SMAD7: variants seen among roughly 807,000 people sequenced by gnomAD.
SMAD7 encodes the protein MAD (mothers against decapentaplegic, Drosophila) homolog 7.
In SMAD7, 8 loss-of-function variants were observed where a neutral mutation model predicts 38.7. That is an observed-to-expected ratio of 0.21 (90% CI 0.12 to 0.37). The LOEUF (loss-of-function observed/expected upper bound fraction) is 0.37. Ranked by LOEUF, SMAD7 falls within the 10% of genes least tolerant of loss-of-function variation. The probability of loss-of-function intolerance (pLI) is 1.00; values close to 1 mark genes in which losing one functional copy is unlikely to be tolerated. For missense variants in SMAD7, 477 were observed against 577.9 expected (o/e 0.83, Z 1.79); for synonymous variants, 327 against 265.1 (o/e 1.23, Z -2.27).
chr18:48,948,397 A>T lies in SMAD7; in HGVS notation c.654T>A (p.Phe218Leu). 6.2e-7 allele frequency: 1 copy of T among 1,603,082 alleles called. No homozygotes were observed. Among genetic ancestry groups the T allele is most frequent in the Non-Finnish European group, 8.5e-7 (1 of 1,174,520 alleles). Residue 218 changes from phenylalanine to leucine, a missense_variant, in exon 2 of 4, where the codon TTT (phenylalanine) becomes TTA (leucine). This residue lies in a region of SMAD7 where 376 missense variants were observed against 379.4 expected (regional missense o/e 0.99). Transcript: ENST00000262158. ...TCATCTACTCACCAGTTGGTTTGAG[A>T]AAATCCATCGGGTATCTGGAGTAAG... Reference protein sequence around the residue: ...PPPYSRYPMDFLKPTADCPDA... With the variant: ...PPPYSRYPMDLLKPTADCPDA...
intron 3 of SMAD7, among the ~76,000 whole-genome samples, chr18:48,924,340 G>A (rs1301681324): frequency 6.6e-6 from 1 of 152,170 alleles, no homozygotes; most frequent in East Asian, 1.9e-4. Flanking sequence ...GGGAGTGAGT[G>A]GAGTATGGAC....
chr18:48,948,042 A>C (rs184458023), intron 2 of SMAD7, among the ~76,000 whole-genome samples: 72 of 152,320 alleles, frequency 4.7e-4, no homozygotes, highest in African/African-American at 1.7e-3. Context: ...CCTGGCACTC[A>C]CTAAGTCTCC....
At chr18:48,948,213 A>G (rs959581039) in intron 2 of SMAD7, among the ~76,000 whole-genome samples, 171 bp downstream of exon 2, 6 of 152,236 alleles carry the variant, frequency 3.9e-5, no homozygotes, top group Non-Finnish European at 7.3e-5. Flanking sequence ...CAAAAACAGC[A>G]AAAAACCCAG....
intron 3 of SMAD7, among the ~76,000 whole-genome samples, chr18:48,936,715 C>T (rs1453285631): frequency 6.6e-6 from 1 of 152,028 alleles, no homozygotes; most frequent in Non-Finnish European, 1.5e-5. Context: ...AAGGCCTGGA[C>T]CGAAGGAAGT....
At chr18:48,947,104 A>T (rs1378146653) in intron 2 of SMAD7, among the ~76,000 whole-genome samples, 1 of 152,224 alleles carries the variant, frequency 6.6e-6, no homozygotes, top group Non-Finnish European at 1.5e-5. Flanking sequence ...TGGTAATTCC[A>T]GTTAACGTTT....
intron 3 of SMAD7, among the ~76,000 whole-genome samples, chr18:48,935,336 G>A (rs1341335469): frequency 6.6e-6 from 1 of 152,220 alleles, no homozygotes; most frequent in Non-Finnish European, 1.5e-5. Flanking sequence ...GCCTCTGTGT[G>A]ACAGTAGGCA....
intron 3 of SMAD7, among the ~76,000 whole-genome samples, chr18:48,939,326 G>C (rs1395594826): frequency 6.6e-6 from 1 of 151,998 alleles, no homozygotes; most frequent in Non-Finnish European, 1.5e-5. Context: ...TTGCAAGGGT[G>C]GGGTGTGTTT....
At chr18:48,938,463 T>C (rs2070096759) in intron 3 of SMAD7, among the ~76,000 whole-genome samples, 1 of 152,234 alleles carries the variant, frequency 6.6e-6, no homozygotes, top group African/African-American at 2.4e-5. Flanking sequence ...TTGAGATCCA[T>C]GGGAGCACTT....
intron 3 of SMAD7, among the ~76,000 whole-genome samples, chr18:48,936,441 GA>G (rs771585942): frequency 6.6e-6 from 1 of 152,172 alleles, no homozygotes; most frequent in Non-Finnish European, 1.5e-5. Context: ...TACAGTTCCA[GA>G]ACATTTTCAT....
chr18:48,949,763 C>T (rs2070239358), intron 1 of SMAD7, 49 bp downstream of exon 1: 2 of 1,518,148 alleles, frequency 1.3e-6, no homozygotes, highest in African/African-American at 1.4e-5. Flanking sequence ...GCTTTTCTTC[C>T]AGCACTGGCG....
chr18:48,926,708 T>C (rs1356596374), intron 3 of SMAD7, among the ~76,000 whole-genome samples: 1 of 152,314 alleles, frequency 6.6e-6, no homozygotes, highest in African/African-American at 2.4e-5. Context: ...CACGCCTCGC[T>C]AACGCCAGGT....
At chr18:48,936,137 T>C (rs939003936) in intron 3 of SMAD7, among the ~76,000 whole-genome samples, 28 of 144,502 alleles carry the variant, frequency 1.9e-4, no homozygotes, top group Non-Finnish European at 3.7e-4. Flanking sequence ...ACACACGAGA[T>C]CCCAGGCAGG....
intron 3 of SMAD7, among the ~76,000 whole-genome samples, chr18:48,941,852 T>C (rs1374429336): frequency 6.6e-6 from 1 of 152,140 alleles, no homozygotes; most frequent in African/African-American, 2.4e-5. Flanking sequence ...GCACTGGCAT[T>C]CCAGGCCTTC....
chr18:48,939,303 A>G (rs2070108461), intron 3 of SMAD7, among the ~76,000 whole-genome samples: 1 of 152,040 alleles, frequency 6.6e-6, no homozygotes. Context: ...CCATTTTCCC[A>G]GACCGAGGAA....
At chr18:48,936,429 T>G (rs1349409495) in intron 3 of SMAD7, among the ~76,000 whole-genome samples, 1 of 152,228 alleles carries the variant, frequency 6.6e-6, no homozygotes, top group Non-Finnish European at 1.5e-5. Context: ...CCATCACCAC[T>G]CTACAGTTCC....
At chr18:48,933,933 G>A (rs2070033365) in intron 3 of SMAD7, among the ~76,000 whole-genome samples, 1 of 152,248 alleles carries the variant, frequency 6.6e-6, no homozygotes, top group Non-Finnish European at 1.5e-5. Flanking sequence ...GGGTGGGGGT[G>A]AGCGTGAGTG....
At chr18:48,939,667 C>G (rs907149004) in intron 3 of SMAD7, among the ~76,000 whole-genome samples, 3 of 151,938 alleles carry the variant, frequency 2.0e-5, no homozygotes, top group Non-Finnish European at 4.4e-5. Flanking sequence ...GCCGACCTTC[C>G]TCCCACCCTA....
intron 3 of SMAD7, among the ~76,000 whole-genome samples, chr18:48,924,471 G>T (rs1304827879): frequency 6.6e-6 from 1 of 152,178 alleles, no homozygotes; most frequent in Non-Finnish European, 1.5e-5. Flanking sequence ...TGGAGCCTGA[G>T]ATCTGTAGCA....
intron 3 of SMAD7, among the ~76,000 whole-genome samples, chr18:48,922,982 C>T (rs1249481231): frequency 1.3e-5 from 2 of 152,174 alleles, no homozygotes; most frequent in African/African-American, 2.4e-5. Context: ...GGAGCCCCGG[C>T]GGCGGGCATT....
Sources: gnomAD v4.1 joint callset for allele counts (sites outside exome capture counted in the v4.1 genomes callset) on GRCh38, gnomAD v4.1.1 for gene constraint, gnomAD v4.1.1 regional missense constraint, MANE v1.5 for transcripts, NCBI Gene and HGNC (gene_info 2026-07-23, HGNC 2026-07-21) for gene names.